The following FMNL3 variants were observed in gnomAD, a reference collection of about 807,000 sequenced individuals.
The protein encoded by FMNL3 is formin like 3.
A neutral mutation model predicts 119.6 loss-of-function variants in FMNL3; 57 were observed. That is an observed-to-expected ratio of 0.48 (90% CI 0.39 to 0.59). The LOEUF is 0.59. Among genes scored for constraint, FMNL3 ranks in the 20% least tolerant of loss-of-function variants. The probability of loss-of-function intolerance (pLI) is 0.00; values close to 1 mark genes in which losing one functional copy is unlikely to be tolerated. For missense variants in FMNL3, 1,053 were observed against 1,323.5 expected, an observed-to-expected ratio of 0.80 and a Z score of 3.17; for synonymous variants, 491 against 507.3, an observed-to-expected ratio of 0.97 and a Z score of 0.43.
rs543190897 is a variant in FMNL3 at position 49,685,794 on chromosome 12, C to T, written c.127-17240G>A. 8.5e-5 allele frequency among the ~76,000 whole-genome samples: 13 copies of T among 152,280 alleles called. No homozygotes were observed. The East Asian group carries it at 1.7e-3, about 20-fold the overall frequency. On this transcript the variant is annotated intron_variant, in intron 1 of 25. Coordinates refer to ENST00000335154, the MANE Select transcript of FMNL3 (RefSeq NM_175736.5). ...TAATATTTCTATTTAAGGCTGGGTGCGGTGGCTCACAACTGTAATCCCAGC... is the reference window on the plus strand; with the variant it reads ...TAATATTTCTATTTAAGGCTGGGTGTGGTGGCTCACAACTGTAATCCCAGC...
chr12:49,674,607 C>T (rs1944134088), intron 1 of FMNL3, among the ~76,000 whole-genome samples: 1 of 152,214 alleles, frequency 6.6e-6, no homozygotes, highest in Admixed American at 6.5e-5. Flanking sequence ...GAACAAATTG[C>T]TTAGGTACCA....
At chr12:49,693,888 T>C (rs1417469487) in intron 1 of FMNL3, among the ~76,000 whole-genome samples, 1 of 151,890 alleles carries the variant, frequency 6.6e-6, no homozygotes, top group African/African-American at 2.4e-5. Context: ...CCTCAGGTGA[T>C]CTGCCCATTT....
In FMNL3 at chr12:49,647,269, C is replaced by T; in HGVS notation, c.2871+7G>A. On this transcript the variant is annotated splice_region_variant and intron_variant, in intron 24 of 25. Transcript: ENST00000335154. The surrounding 1 kb of genome is among the most constrained non-coding windows in gnomAD (Gnocchi z 4.9). The stretch of plus-strand genomic sequence containing the variant: ...TCCTCCAGGCCCCAGCTCTTGGTCC[C>T]ACCCACCTTGGCATCCAGTTTCTTG... 2 of 1,614,040 alleles carry T rather than the reference C, an allele frequency of 1.2e-6. No individual in the cohort carries two copies. The highest frequency in any genetic ancestry group is 2.7e-5 in the African/African-American group (2 of 75,058).
Position 49,641,803 on chromosome 12 carries a change from C to A in FMNL3, c.*4012G>T. 1.1e-6 allele frequency: 1 copy of A among 902,304 alleles called. No individual in the cohort carries two copies. The highest frequency in any genetic ancestry group is 1.8e-6 in the Non-Finnish European group (1 of 563,752). The allele number at this position is 902,304 out of a possible 1,614,324, so 55.9% of individuals were successfully genotyped here. ...CAGACCACAGTCCTGTGGATCTCTT[C>A]CAGAGGCAAGGGCCTTCTTGACCAT... On this transcript the variant is annotated 3_prime_UTR_variant, in exon 26 of 26. Coordinates refer to ENST00000335154, the MANE Select transcript of FMNL3 (RefSeq NM_175736.5).
At chr12:49,674,596 T>G (rs1280766615) in intron 1 of FMNL3, among the ~76,000 whole-genome samples, 1 of 152,220 alleles carries the variant, frequency 6.6e-6, no homozygotes, top group Non-Finnish European at 1.5e-5. Context: ...CTTAGACATC[T>G]GAACAAATTG....
rs764258978 is a variant in FMNL3, at chr12:49,643,224, G to A, written c.*2591C>T. 5.0e-6 allele frequency: 8 copies of A among 1,613,944 alleles called. No individual in the cohort carries two copies. In the African/African-American group the frequency reaches 1.1e-4, roughly 22 times the overall value. On this transcript the variant is annotated 3_prime_UTR_variant, in exon 26 of 26. Transcript: ENST00000335154. ...ACATGTATCTGCTGATCTGCCCAGG[G>A]CTCTGAGTCAGAAGAAGAGGAGCTG...
Position 49,644,433 on chromosome 12 carries a change from C to T in FMNL3, c.*1382G>A. ...CAGACCAGAGATGGGTGGTATATGCCATGTGGGGTGGGTGATGCCAGTAGA... is the reference window on the plus strand; with the variant it reads ...CAGACCAGAGATGGGTGGTATATGCTATGTGGGGTGGGTGATGCCAGTAGA... On this transcript the variant is annotated 3_prime_UTR_variant, in exon 26 of 26. Coordinates refer to ENST00000335154, the MANE Select transcript of FMNL3 (RefSeq NM_175736.5). 2 of 534,106 alleles carry T rather than the reference C, an allele frequency of 3.7e-6. No individual in the cohort carries two copies. Among genetic ancestry groups the T allele is most frequent in the African/African-American group, 1.9e-5 (1 of 52,550 alleles). The allele number at this position is 534,106 out of a possible 1,614,324, so 33.1% of individuals were successfully genotyped here.
chr12:49,690,600 G>A (rs981536710), intron 1 of FMNL3, among the ~76,000 whole-genome samples: 6 of 152,198 alleles, frequency 3.9e-5, no homozygotes, highest in African/African-American at 1.4e-4. Context: ...AGATGTCCTA[G>A]TAGGATAGCT....
rs1386123287 is a variant in FMNL3, at chr12:49,641,647, G to GA, written c.*4167dup. On this transcript the variant is annotated 3_prime_UTR_variant, in exon 26 of 26. Transcript: ENST00000335154. The stretch of plus-strand genomic sequence containing the variant: ...CCAAAGGAACAAAAGTTAATTTTGA[G>GA]AAACTCAGCATTAATCAGCAGTTGG... 7 of 464,536 alleles carry GA rather than the reference G, an allele frequency of 1.5e-5. No homozygotes were observed. Among genetic ancestry groups the GA allele is most frequent in the Non-Finnish European group, 2.7e-5 (7 of 260,710 alleles). 28.8% of individuals were successfully genotyped at this position (464,536 alleles called of 1,614,324 possible). A position where few individuals can be genotyped will look rare whatever the true frequency, so the allele number is the denominator to read the frequency against.
Position 49,707,373 on chromosome 12 carries a change from G to A in FMNL3, c.-193C>T, listed in dbSNP as rs866141899. ...GCGGCGAGGGCGGAGGCAGCGTAGC[G>A]GACAGCCGCACCGAAGCAAGGCGGA... is the stretch of plus-strand genomic sequence containing the variant. On this transcript the variant is annotated 5_prime_UTR_variant, in exon 1 of 26. Coordinates refer to ENST00000335154, the MANE Select transcript of FMNL3 (RefSeq NM_175736.5). 6.8e-4 allele frequency: 301 copies of A among 441,840 alleles called. 1 individual carries two copies. Among genetic ancestry groups the A allele is most frequent in the African/African-American group, 5.7e-3 (276 of 48,602 alleles). The allele number at this position is 441,840 out of a possible 1,614,324, so 27.4% of individuals were successfully genotyped here. A position where few individuals can be genotyped will look rare whatever the true frequency, so the allele number is the denominator to read the frequency against.
chr12:49,681,684 G>C (rs1162168584), intron 1 of FMNL3, among the ~76,000 whole-genome samples: 1 of 151,652 alleles, frequency 6.6e-6, no homozygotes, highest in Non-Finnish European at 1.5e-5. Context: ...TAGCCTCCAA[G>C]TAGCTAGGAC....
chr12:49,705,718 G>C (rs966744770), intron 1 of FMNL3, among the ~76,000 whole-genome samples: 3 of 152,230 alleles, frequency 2.0e-5, no homozygotes, highest in African/African-American at 7.2e-5. Context: ...GAAATGCAGA[G>C]GGCCACAGGA....
rs1382610729 is a variant in FMNL3, at chr12:49,643,318, T to G, written c.*2497A>C. 6.2e-7 allele frequency: 1 copy of G among 1,609,752 alleles called. No homozygotes were observed. The highest frequency in any genetic ancestry group is 8.5e-7 in the Non-Finnish European group (1 of 1,178,232). Reference sequence around the variant, plus strand: ...CCTCAGAGTCAGGCTCTGAGCCCTCTTCCTCACTTGATTCAGTTGAAAGTG... The same window carrying G: ...CCTCAGAGTCAGGCTCTGAGCCCTCGTCCTCACTTGATTCAGTTGAAAGTG... On this transcript the variant is annotated 3_prime_UTR_variant, in exon 26 of 26. Transcript: ENST00000335154.
At position 49,637,834 on chromosome 12, in the gene FMNL3, G is replaced by C. The variant is rs1592603135; in HGVS notation, c.*7981C>G. ...TAAGGACATCCTTAAGGTGAGGGAG[G>C]CTGGGGTTATGGATGGATACAGGAT... On this transcript the variant is annotated 3_prime_UTR_variant, in exon 26 of 26. Coordinates refer to ENST00000335154, the MANE Select transcript of FMNL3 (RefSeq NM_175736.5). 6.3e-7 allele frequency: 1 copy of C among 1,593,870 alleles called. No homozygotes were observed. Among genetic ancestry groups the C allele is most frequent in the East Asian group, 2.2e-5 (1 of 44,776 alleles).
At chr12:49,695,317 ATTAAT>A (rs1338179360) in intron 1 of FMNL3, among the ~76,000 whole-genome samples, 2 of 152,202 alleles carry the variant, frequency 1.3e-5, no homozygotes, top group East Asian at 3.9e-4. Flanking sequence ...ATACTTTTTT[ATTAAT>A]TTAAAATCTA....
At chr12:49,700,602 T>A (rs1276959299) in intron 1 of FMNL3, among the ~76,000 whole-genome samples, 2 of 145,416 alleles carry the variant, frequency 1.4e-5, no homozygotes, top group Admixed American at 7.0e-5. Context: ...GTAATCCCAG[T>A]TACTCAGGAG....
At position 49,651,447 on chromosome 12, in the gene FMNL3, T is replaced by C; in HGVS notation, c.1607A>G (p.Lys536Arg). 10 of 1,467,302 alleles carry C rather than the reference T, an allele frequency of 6.8e-6. No homozygotes were observed. The highest frequency in any genetic ancestry group is 1.5e-5 in the South Asian group (1 of 64,584). The allele number at this position is 1,467,302 out of a possible 1,614,324, so 90.9% of individuals were successfully genotyped here. ...LPPPPPPLPDKCPPAPPLPGA... is the reference protein window; with the variant it reads ...LPPPPPPLPDRCPPAPPLPGA... ...AGGGAGAGGTGGGGCTGGGGGACAC[T>C]TGTCTGGGGGAAGAAGAAATGACAC... is the stretch of plus-strand genomic sequence containing the variant. The change falls in exon 15 of 26, where the codon AAG (lysine) becomes AGG (arginine). Residue 536 changes from lysine to arginine, a missense_variant. By Grantham distance (26) the Lys-to-Arg change is conservative (BLOSUM62 2). Coordinates refer to ENST00000335154, the MANE Select transcript of FMNL3 (RefSeq NM_175736.5).
At chr12:49,688,424 C>G in intron 1 of FMNL3, 1 of 456,122 alleles carries the variant, frequency 2.2e-6, no homozygotes, top group South Asian at 1.5e-5. Context: ...CAAGGTCCCA[C>G]ATAATCTGGG....
rs971704330 is a variant in FMNL3 at position 49,653,287 on chromosome 12, A to G, written c.1262T>C (p.Met421Thr). The G allele has an allele frequency of 8.1e-6, 13 of 1,614,046 alleles. No homozygotes were observed. Among genetic ancestry groups the G allele is most frequent in the Non-Finnish European group, 1.1e-5 (13 of 1,180,020 alleles). ...KLLDLENENMMRVAELEKQLL... is the reference protein window; with the variant it reads ...KLLDLENENMTRVAELEKQLL... ...CTGCTTCTCTAGTTCTGCCACCCGC[A>G]TCATGTTTTCATTCTCTAGGTCCAG... Residue 421 changes from methionine (M) to threonine (T), a missense_variant, in exon 13 of 26, where the codon ATG (methionine) becomes ACG (threonine). By Grantham distance (81) the Met-to-Thr change is moderately conservative. Around this residue, in one of 4 missense-constraint regions of FMNL3, gnomAD observed 445 missense variants for 628.4 expected, o/e 0.71. Transcript: ENST00000335154.
Sources: allele counts gnomAD v4.1 joint callset (sites outside exome capture counted in the v4.1 genomes callset), GRCh38; gene constraint gnomAD v4.1.1; regional missense constraint gnomAD v4.1.1; non-coding constraint Gnocchi (gnomAD v3.1); transcripts MANE v1.5; gene names NCBI Gene and HGNC (gene_info 2026-07-23, HGNC 2026-07-21).